The following SLC8A1 variants were observed in gnomAD, a reference collection of about 807,000 sequenced individuals.
SLC8A1 encodes solute carrier family 8 member A1, also known as sodium/calcium exchanger 1.
SLC8A1 carries 18 observed loss-of-function variants against 68.3 expected under a neutral mutation model. That is an observed-to-expected ratio of 0.26 (90% CI 0.18 to 0.39). SLC8A1 has a LOEUF of 0.39. SLC8A1 is among the 10% of genes least tolerant of loss of function. The probability of loss-of-function intolerance (pLI) is 1.00; values close to 1 mark genes in which losing one functional copy is unlikely to be tolerated. For missense variants in SLC8A1, 985 were observed against 1,156.7 expected (o/e 0.85, Z 2.15); for synonymous variants, 475 against 415.5 (o/e 1.14, Z -1.74).
intron 2 of SLC8A1, among the ~76,000 whole-genome samples, chr2:40,321,662 C>T (rs1042870767): frequency 3.9e-5 from 6 of 151,996 alleles, no homozygotes; most frequent in South Asian, 4.1e-4. Flanking sequence ...CGAGTAAAAG[C>T]GGGAAAAGCC....
At chr2:40,144,245 G>A (rs563506020) in intron 6 of SLC8A1, among the ~76,000 whole-genome samples, 4 of 152,098 alleles carry the variant, frequency 2.6e-5, no homozygotes, top group African/African-American at 4.8e-5. Context: ...AACCTGGTGG[G>A]GTGTCTCTTA....
intron 2 of SLC8A1, among the ~76,000 whole-genome samples, chr2:40,193,295 C>G (rs1366013697): frequency 6.6e-6 from 1 of 152,066 alleles, no homozygotes; most frequent in Non-Finnish European, 1.5e-5. Flanking sequence ...TATGTTATTC[C>G]ATTCAGCCAT....
intron 2 of SLC8A1, among the ~76,000 whole-genome samples, chr2:40,347,057 G>C (rs1047037167): frequency 6.6e-6 from 1 of 152,150 alleles, no homozygotes; most frequent in Non-Finnish European, 1.5e-5. Context: ...ATAGCACCAA[G>C]GCAATAGATA....
chr2:40,306,500 T>C (rs765068960), intron 2 of SLC8A1, among the ~76,000 whole-genome samples: 1 of 152,108 alleles, frequency 6.6e-6, no homozygotes, highest in Non-Finnish European at 1.5e-5. Context: ...TTCAGACATG[T>C]ACTTGGTAAA....
intron 1 of SLC8A1, among the ~76,000 whole-genome samples, chr2:40,474,381 A>G (rs1319432237): frequency 6.6e-6 from 1 of 152,156 alleles, no homozygotes; most frequent in Non-Finnish European, 1.5e-5. Flanking sequence ...TTACTCTTGG[A>G]CAAAAACATA....
intron 6 of SLC8A1, among the ~76,000 whole-genome samples, chr2:40,146,546 A>G (rs537750814): frequency 1.3e-5 from 2 of 152,030 alleles, no homozygotes; most frequent in East Asian, 1.9e-4. Context: ...CTTTATTTCT[A>G]TTATTGTTAT....
At chr2:40,177,335 T>A (rs1233940712) in intron 3 of SLC8A1, among the ~76,000 whole-genome samples, 1 of 152,208 alleles carries the variant, frequency 6.6e-6, no homozygotes, top group Non-Finnish European at 1.5e-5. Flanking sequence ...TACTAATAGG[T>A]ATTAAGCAGT....
intron 4 of SLC8A1, among the ~76,000 whole-genome samples, chr2:40,169,670 A>G (rs1410487535): frequency 6.6e-6 from 1 of 152,176 alleles, no homozygotes; most frequent in African/African-American, 2.4e-5. Context: ...GTTGGGCACC[A>G]TGACTCATTC....
intron 2 of SLC8A1, among the ~76,000 whole-genome samples, chr2:40,378,014 CCATT>C (rs1177166658): frequency 1.3e-5 from 2 of 152,124 alleles, no homozygotes; most frequent in Non-Finnish European, 2.9e-5. Context: ...TCTTTGTCAT[CCATT>C]CATTCATTCA....
intron 1 of SLC8A1, among the ~76,000 whole-genome samples, 155 bp from the exon 2 acceptor site, chr2:40,430,459 C>T (rs1338253236): frequency 1.3e-5 from 2 of 152,114 alleles, no homozygotes; most frequent in Non-Finnish European, 2.9e-5. Context: ...TTGACCATCA[C>T]AAAATCTATG....
intron 2 of SLC8A1, among the ~76,000 whole-genome samples, chr2:40,238,337 C>T (rs963567645): frequency 1.3e-5 from 2 of 152,160 alleles, no homozygotes; most frequent in Non-Finnish European, 2.9e-5. Context: ...GTTGGAAAAG[C>T]GCAGTATTCG....
rs571676131 is a variant in SLC8A1 at position 40,227,039 on chromosome 2, G to A, written c.1809-49184C>T. 5.0e-3 allele frequency among the ~76,000 whole-genome samples: 768 copies of A among 152,132 alleles called. 2 individuals are homozygous for A. Among genetic ancestry groups the A allele is most frequent in the Non-Finnish European group, 9.0e-3 (611 of 67,970 alleles). On this transcript the variant is annotated intron_variant, in intron 2 of 7. Transcript: ENST00000406785. ...GACTCACCATCAAGTTTTAAATGGG[G>A]TAGTGGACAGTAATACTTCCAGACC...
At chr2:40,355,626 A>C (rs1284363652) in intron 2 of SLC8A1, among the ~76,000 whole-genome samples, 1 of 152,134 alleles carries the variant, frequency 6.6e-6, no homozygotes, top group Non-Finnish European at 1.5e-5. Flanking sequence ...ACACTGACCC[A>C]TCTAGGGAGT....
chr2:40,333,437 C>CAAAAAAA (rs11392390), intron 2 of SLC8A1, among the ~76,000 whole-genome samples: 1 of 73,816 alleles, frequency 1.4e-5, no homozygotes, highest in African/African-American at 4.1e-5. Context: ...GACTCCGTCT[C>CAAAAAAA]AAAAAAAAAA....
At chr2:40,237,067 C>T (rs553088165) in intron 2 of SLC8A1, among the ~76,000 whole-genome samples, 2 of 151,804 alleles carry the variant, frequency 1.3e-5, no homozygotes, top group South Asian at 4.2e-4. Flanking sequence ...TTTGGTGAAT[C>T]TGACAATTAT....
At chr2:40,376,704 G>C (rs1382549242) in intron 2 of SLC8A1, among the ~76,000 whole-genome samples, 1 of 152,118 alleles carries the variant, frequency 6.6e-6, no homozygotes, top group Non-Finnish European at 1.5e-5. Flanking sequence ...TGAAATGGGA[G>C]ACAAGGACCG....
chr2:40,401,273 C>A (rs1688643096), intron 2 of SLC8A1, among the ~76,000 whole-genome samples: 1 of 152,126 alleles, frequency 6.6e-6, no homozygotes, highest in African/African-American at 2.4e-5. Flanking sequence ...GTACTTGTAC[C>A]ATTCTTCAAA....
intron 2 of SLC8A1, among the ~76,000 whole-genome samples, chr2:40,266,496 T>G (rs751671362): frequency 1.3e-5 from 2 of 152,174 alleles, no homozygotes; most frequent in African/African-American, 4.8e-5. Flanking sequence ...TCTTAGACCA[T>G]TGGAATGAGC....
chr2:40,356,571 G>A (rs1208107895), intron 2 of SLC8A1, among the ~76,000 whole-genome samples: 3 of 151,290 alleles, frequency 2.0e-5, no homozygotes, highest in Non-Finnish European at 2.9e-5. Flanking sequence ...TTAAAATGTT[G>A]GTTTCAAAAT....
Sources: gnomAD v4.1 joint callset for allele counts (sites outside exome capture counted in the v4.1 genomes callset) on GRCh38, gnomAD v4.1.1 for gene constraint, MANE v1.5 for transcripts, NCBI Gene and HGNC (gene_info 2026-07-23, HGNC 2026-07-21) for gene names.